GABBR2: variants seen among roughly 807,000 people sequenced by gnomAD.
The protein encoded by GABBR2 is gamma-aminobutyric acid type B receptor subunit 2, also known as G-protein coupled receptor 51.
In GABBR2, 23 loss-of-function variants were observed where a neutral mutation model predicts 105.6. The ratio of observed to expected loss-of-function variants is 0.22; its 90% confidence interval spans 0.16 to 0.31. The LOEUF (loss-of-function observed/expected upper bound fraction) is 0.31. Among genes scored for constraint, GABBR2 ranks in the 10% least tolerant of loss-of-function variants. GABBR2 has a pLI of 1.00. For synonymous variants in GABBR2, 478 were observed against 499.7 expected (o/e 0.96, Z 0.58); for missense variants, 734 against 1,245.5 (o/e 0.59, Z 6.18).
chr9:98,310,270 C>T (rs571985627), intron 14 of GABBR2, among the ~76,000 whole-genome samples: 18 of 151,668 alleles, frequency 1.2e-4, no homozygotes, highest in African/African-American at 3.6e-4. Flanking sequence ...TTTTTTGAGA[C>T]GGAGTTTCGC....
chr9:98,403,261 T>G (rs143174080), intron 8 of GABBR2, among the ~76,000 whole-genome samples: 1 of 123,622 alleles, frequency 8.1e-6, no homozygotes, highest in East Asian at 2.5e-4. Flanking sequence ...GCCACTGCAC[T>G]CCAGCCTGGG....
At chr9:98,540,639 C>A (rs572128754) in intron 3 of GABBR2, among the ~76,000 whole-genome samples, 2 of 152,348 alleles carry the variant, frequency 1.3e-5, no homozygotes, top group Admixed American at 6.5e-5. Flanking sequence ...TGTCTGCCCC[C>A]ACCGCTCCGG....
intron 6 of GABBR2, among the ~76,000 whole-genome samples, chr9:98,471,335 C>A (rs558410427): frequency 1.3e-5 from 2 of 152,192 alleles, no homozygotes; most frequent in African/African-American, 4.8e-5. Flanking sequence ...GTGAGGTGAA[C>A]AGTCCCAAGG....
At chr9:98,614,756 T>C (rs1175292593) in intron 1 of GABBR2, among the ~76,000 whole-genome samples, 8 of 135,542 alleles carry the variant, frequency 5.9e-5, no homozygotes. Context: ...GAAAGGAGAA[T>C]GGAGAAGGAT....
intron 13 of GABBR2, among the ~76,000 whole-genome samples, chr9:98,311,560 G>A (rs79302447): frequency 0.018 from 2,742 of 152,322 alleles, 81 homozygotes; most frequent in African/African-American, 0.061. Context: ...TTGTGAGAAT[G>A]AGGTATAAAG....
At chr9:98,379,279 C>CT (rs1280599149) in intron 11 of GABBR2, among the ~76,000 whole-genome samples, 1 of 152,022 alleles carries the variant, frequency 6.6e-6, no homozygotes, top group Non-Finnish European at 1.5e-5. Flanking sequence ...TCTTTTTTAT[C>CT]TTTTTTTGAG....
chr9:98,637,022 A>G (rs1408415891), intron 1 of GABBR2, among the ~76,000 whole-genome samples: 3 of 152,150 alleles, frequency 2.0e-5, no homozygotes, highest in African/African-American at 7.2e-5. Flanking sequence ...CTCTTCTTAC[A>G]AACTTCCAAG....
At chr9:98,317,907 G>C (rs935904808) in intron 13 of GABBR2, among the ~76,000 whole-genome samples, 1 of 152,004 alleles carries the variant, frequency 6.6e-6, no homozygotes, top group Non-Finnish European at 1.5e-5. Flanking sequence ...TTGGAGGGGT[G>C]CTAATGAGGG....
chr9:98,290,695 T>A lies in GABBR2; in HGVS notation c.2715A>T (p.Pro905=). 6.7e-7 allele frequency: 1 copy of A among 1,482,584 alleles called. No homozygotes were observed. Among genetic ancestry groups the A allele is most frequent in the South Asian group, 1.5e-5 (1 of 67,158 alleles). 91.8% of individuals were successfully genotyped at this position (1,482,584 alleles called of 1,614,324 possible). The change falls in exon 19 of 19, where the codon CCA becomes CCT. Residue 905 remains proline (P), a synonymous_variant. Coordinates refer to ENST00000259455, the MANE Select transcript of GABBR2 (RefSeq NM_005458.8). Reference sequence around the variant, plus strand: ...AGCTGGCGTCCACGCCTCCGATGGATGGGAGGTAGGCGTGGTGGAGGATGG... The same window carrying A: ...AGCTGGCGTCCACGCCTCCGATGGAAGGGAGGTAGGCGTGGTGGAGGATGG... ...QLPILHHAYL[P]SIGGVDASCV... is the part of the protein sequence containing the mutation.
rs577333198 is a variant in GABBR2, at chr9:98,386,817, T to C, written c.1530-1045A>G. ...GCAATACGTCAAAGGGAGAGGGAAA[T>C]AAGAAGCCTGCTGCTCTTCCTCTGT... On this transcript the variant is annotated intron_variant, in intron 10 of 18. Transcript: ENST00000259455. 2.0e-5 allele frequency among the ~76,000 whole-genome samples: 3 copies of C among 152,304 alleles called. No individual in the cohort carries two copies. In the East Asian group the frequency reaches 5.8e-4, roughly 29 times the overall value.
At chr9:98,392,276 A>G (rs57298260) in intron 9 of GABBR2, among the ~76,000 whole-genome samples, 31,116 of 152,030 alleles carry the variant, frequency 0.2, 5,031 homozygotes, top group African/African-American at 0.45. Flanking sequence ...TGTAAGTTGT[A>G]TTTTGTGTCT....
At chr9:98,426,637 G>C (rs749477633) in intron 7 of GABBR2, among the ~76,000 whole-genome samples, 1 of 152,176 alleles carries the variant, frequency 6.6e-6, no homozygotes, top group Non-Finnish European at 1.5e-5. Context: ...AGGGAGTTGG[G>C]GGACTATTGG....
At chr9:98,587,292 A>G (rs949482895) in intron 1 of GABBR2, among the ~76,000 whole-genome samples, 1 of 152,168 alleles carries the variant, frequency 6.6e-6, no homozygotes, top group Non-Finnish European at 1.5e-5. Context: ...TGAATGAAAC[A>G]ATCACCTCCC....
intron 3 of GABBR2, among the ~76,000 whole-genome samples, chr9:98,501,351 G>A (rs1449859538): frequency 6.6e-6 from 1 of 152,240 alleles, no homozygotes; most frequent in South Asian, 2.1e-4. Flanking sequence ...TTTTAGTAGA[G>A]ACGGGGTTTC....
At chr9:98,353,903 C>T (rs1831444117) in intron 13 of GABBR2, among the ~76,000 whole-genome samples, 1 of 152,206 alleles carries the variant, frequency 6.6e-6, no homozygotes, top group Admixed American at 6.5e-5. Context: ...CCCCTTCTTG[C>T]ACTCACTCCA....
intron 11 of GABBR2, among the ~76,000 whole-genome samples, chr9:98,380,971 CTG>C (rs1241502065): frequency 6.6e-6 from 1 of 152,224 alleles, no homozygotes; most frequent in Non-Finnish European, 1.5e-5. Flanking sequence ...GCAGACAGAA[CTG>C]TGACTTCGGC....
intron 1 of GABBR2, among the ~76,000 whole-genome samples, chr9:98,702,339 C>T (rs1288151871): frequency 6.6e-6 from 1 of 152,078 alleles, no homozygotes; most frequent in African/African-American, 2.4e-5. Flanking sequence ...GGTCTCAGTG[C>T]TGCCCGTTCT....
At chr9:98,550,178 C>T (rs146338614) in intron 2 of GABBR2, among the ~76,000 whole-genome samples, 40 of 152,310 alleles carry the variant, frequency 2.6e-4, no homozygotes, top group South Asian at 1.7e-3. Flanking sequence ...CCCACCTGAT[C>T]CTCACAACAA....
chr9:98,596,838 G>A (rs545046614), intron 1 of GABBR2, among the ~76,000 whole-genome samples: 1 of 152,254 alleles, frequency 6.6e-6, no homozygotes, highest in African/African-American at 2.4e-5. Flanking sequence ...AACAGCTAGA[G>A]CAGGCAGCAG....
Sources: gnomAD v4.1 joint callset for allele counts (sites outside exome capture counted in the v4.1 genomes callset) on GRCh38, gnomAD v4.1.1 for gene constraint, MANE v1.5 for transcripts, NCBI Gene and HGNC (gene_info 2026-07-23, HGNC 2026-07-21) for gene names.